The following GIGYF2 variants were observed in gnomAD, a reference collection of about 807,000 sequenced individuals.
GIGYF2 encodes GRB10-interacting GYF protein 2.
Under a neutral mutation model 208.1 loss-of-function variants are expected in GIGYF2, and 25 were observed. The ratio of observed to expected loss-of-function variants is 0.12; its 90% CI spans 0.09 to 0.17. The LOEUF (loss-of-function observed/expected upper bound fraction) is 0.17. GIGYF2 is among the 10% of genes least tolerant of loss of function. The pLI is 1.00. For synonymous variants in GIGYF2, 534 were observed against 543.8 expected, an observed-to-expected ratio of 0.98 and a Z score of 0.25; for missense variants, 1,302 against 1,579.4, an observed-to-expected ratio of 0.82 and a Z score of 2.98.
At chr2:232,770,676 T>C (rs1402520360) in intron 8 of GIGYF2, among the ~76,000 whole-genome samples, 1 of 152,112 alleles carries the variant, frequency 6.6e-6, no homozygotes, top group Non-Finnish European at 1.5e-5. Flanking sequence ...TCTTAAGTAG[T>C]TACAGTAAGT....
In GIGYF2 at chr2:232,812,461, G is replaced by A; in HGVS notation, c.2077G>A (p.Glu693Lys). ...VSVPDTGSIW[E>K]LQPTASQPTV... The stretch of plus-strand genomic sequence containing the variant: ...CGTGCCAGATACTGGCTCTATCTGG[G>A]AGCTTCAGCCAACAGCTTCACAGCC... Residue 693 changes from glutamate to lysine, a missense_variant, in exon 18 of 29, where the codon GAG (glutamate) becomes AAG (lysine). This residue lies in a region of GIGYF2 where 701 missense variants were observed against 793.0 expected (regional missense o/e 0.88). Coordinates refer to ENST00000373563, the MANE Select transcript of GIGYF2 (RefSeq NM_001103146.3). 6.6e-7 allele frequency: 1 copy of A among 1,526,222 alleles called. No homozygotes were observed. Among genetic ancestry groups the A allele is most frequent in the Non-Finnish European group, 9.1e-7 (1 of 1,100,284 alleles). 94.5% of individuals were successfully genotyped at this position (1,526,222 alleles called of 1,614,324 possible). A position where few individuals can be genotyped will look rare whatever the true frequency, so the allele number is the denominator to read the frequency against.
chr2:232,728,989 T>G (rs1574807606), intron 2 of GIGYF2, among the ~76,000 whole-genome samples: 1 of 152,000 alleles, frequency 6.6e-6, no homozygotes, highest in East Asian at 1.9e-4. Context: ...CTTTTTCTTT[T>G]CATTTTCCTT....
chr2:232,739,522 A>G (rs1697889382), intron 3 of GIGYF2, among the ~76,000 whole-genome samples: 1 of 149,930 alleles, frequency 6.7e-6, no homozygotes, highest in South Asian at 2.1e-4. Context: ...AAAAAAATTA[A>G]AAAAAAATTA....
At chr2:232,766,277 A>G (rs1235695608) in intron 8 of GIGYF2, among the ~76,000 whole-genome samples, 1 of 152,152 alleles carries the variant, frequency 6.6e-6, no homozygotes, top group Non-Finnish European at 1.5e-5. Context: ...AGGGGAAGTC[A>G]TATTTAGTTT....
Position 232,844,180 on chromosome 2 carries a change from A to G in GIGYF2, c.3024A>G (p.Glu1008=), listed in dbSNP as rs919417980. The G allele has an allele frequency of 3.8e-6, 6 of 1,562,854 alleles. No individual in the cohort carries two copies. The change falls in exon 24 of 29, where the codon GAA becomes GAG. Residue 1008 remains glutamate, a synonymous_variant. Coordinates refer to ENST00000373563, the MANE Select transcript of GIGYF2 (RefSeq NM_001103146.3). ...TTKSLLEIQQ[E]EARQMQKQQQ... ...AATCTCTTCTGGAGATCCAGCAGGA[A>G]GAGGCCAGGCAAATGCAAAAGCAGC...
intron 8 of GIGYF2, chr2:232,771,065 C>T: frequency 6.2e-7 from 1 of 1,614,074 alleles, no homozygotes; most frequent in Non-Finnish European, 8.5e-7. Context: ...ATATACTTGA[C>T]ACAGATAGTG....
chr2:232,817,697 T>C (rs866753947), intron 20 of GIGYF2, among the ~76,000 whole-genome samples: 2 of 152,260 alleles, frequency 1.3e-5, no homozygotes, highest in Admixed American at 6.5e-5. Context: ...GTAGCATATA[T>C]CTGAATTTCC....
chr2:232,753,476 C>G (rs182962360), intron 5 of GIGYF2, among the ~76,000 whole-genome samples: 3 of 152,058 alleles, frequency 2.0e-5, no homozygotes, highest in Admixed American at 2.0e-4. Context: ...CCAGGCTAGT[C>G]TCGAACTCCT....
At chr2:232,772,536 C>T (rs1312233174) in intron 8 of GIGYF2, among the ~76,000 whole-genome samples, 2 of 152,178 alleles carry the variant, frequency 1.3e-5, no homozygotes, top group African/African-American at 4.8e-5. Flanking sequence ...AAACAGTTTT[C>T]ATCAGTGGTT....
At chr2:232,703,286 A>T (rs971008770) in intron 1 of GIGYF2, 138 bp from the exon 2 acceptor site, 82 of 152,708 alleles carry the variant, frequency 5.4e-4, no homozygotes, top group African/African-American at 1.8e-3. Context: ...CTAGTTTATA[A>T]ATACACCAGG....
chr2:232,758,317 A>G (rs1698622648), intron 6 of GIGYF2, among the ~76,000 whole-genome samples: 1 of 152,238 alleles, frequency 6.6e-6, no homozygotes, highest in Non-Finnish European at 1.5e-5. Flanking sequence ...TAAAATTTAA[A>G]TAAACTAAAT....
chr2:232,819,412 T>A (rs1701010054), intron 20 of GIGYF2, among the ~76,000 whole-genome samples: 1 of 152,142 alleles, frequency 6.6e-6, no homozygotes, highest in Admixed American at 6.5e-5. Flanking sequence ...AGAACTTATC[T>A]TACCCCAAAT....
In GIGYF2 at chr2:232,857,056, A is replaced by G. The variant is rs1308074604; in HGVS notation, c.*196A>G. On this transcript the variant is annotated 3_prime_UTR_variant, in exon 29 of 29. Transcript: ENST00000373563. ...TTTTTGTTGGTGAACATCTCAGACT[A>G]TAGATAAGTGGACTGGACCCTGTGT... 8 of 630,520 alleles carry G rather than the reference A, an allele frequency of 1.3e-5. No individual in the cohort carries two copies. The highest frequency in any genetic ancestry group is 2.3e-5 in the Admixed American group (1 of 43,288). The allele number at this position is 630,520 out of a possible 1,614,324, so 39.1% of individuals were successfully genotyped here.
chr2:232,825,159 C>G (rs1701211268), intron 21 of GIGYF2, among the ~76,000 whole-genome samples: 1 of 152,208 alleles, frequency 6.6e-6, no homozygotes, highest in African/African-American at 2.4e-5. Flanking sequence ...ACATAACATT[C>G]ATTCTGCAGC....
intron 4 of GIGYF2, among the ~76,000 whole-genome samples, chr2:232,748,365 C>T (rs1235022110): frequency 6.6e-6 from 1 of 152,202 alleles, no homozygotes. Context: ...TCACTGCAAC[C>T]TCTGCAACCC....
intron 18 of GIGYF2, among the ~76,000 whole-genome samples, chr2:232,814,216 TAACAC>T (rs914983304): frequency 5.3e-5 from 8 of 152,128 alleles, no homozygotes; most frequent in African/African-American, 2.4e-5. Flanking sequence ...CGTAAATACT[TAACAC>T]AAACATTTTT....
At chr2:232,712,491 G>A (rs115656863) in intron 2 of GIGYF2, among the ~76,000 whole-genome samples, 3,261 of 152,292 alleles carry the variant, frequency 0.021, 60 homozygotes, top group Non-Finnish European at 0.031. Context: ...ACATGGCAGT[G>A]AAGAATATAG....
intron 2 of GIGYF2, among the ~76,000 whole-genome samples, chr2:232,717,459 C>G (rs56140815): frequency 0.079 from 11,950 of 152,036 alleles, 597 homozygotes; most frequent in East Asian, 0.17. Flanking sequence ...TGAACTTTTC[C>G]AGCACTCCAA....
chr2:232,768,591 C>T (rs1375760095), intron 8 of GIGYF2: 1 of 1,614,092 alleles, frequency 6.2e-7, no homozygotes, highest in Non-Finnish European at 8.5e-7. Flanking sequence ...AGAACTGATG[C>T]CATCAAGGTG....
Sources: allele counts gnomAD v4.1 joint callset (sites outside exome capture counted in the v4.1 genomes callset), GRCh38; gene constraint gnomAD v4.1.1; regional missense constraint gnomAD v4.1.1; transcripts MANE v1.5; gene names NCBI Gene and HGNC (gene_info 2026-07-23, HGNC 2026-07-21).